The following SRPK2 variants were observed in gnomAD, a reference collection of about 807,000 sequenced individuals.
SRPK2 encodes the protein SRSF protein kinase 2.
SRPK2 carries 21 observed loss-of-function variants against 90.8 expected under a neutral mutation model. That is an observed-to-expected ratio of 0.23 (90% CI 0.16 to 0.33). The LOEUF is 0.33. Among genes scored for constraint, SRPK2 ranks in the 10% least tolerant of loss-of-function variants. SRPK2 has a pLI of 1.00. For missense variants in SRPK2, 620 were observed against 869.0 expected, an observed-to-expected ratio of 0.71 and a Z score of 3.60; for synonymous variants, 288 against 311.1, an observed-to-expected ratio of 0.93 and a Z score of 0.78.
At position 105,143,490 on chromosome 7, in the gene SRPK2, G is replaced by A. The variant is rs139641808; in HGVS notation, c.814-160C>T. ...AGATCCACTTTGTGGTAAGGCTTAC[G>A]ATAAAATCAAAGGGAAAGCAGTGCT... On this transcript the variant is annotated intron_variant, in intron 9 of 15. Transcript: ENST00000393651. 122 of 916,722 alleles carry A rather than the reference G, an allele frequency of 1.3e-4. 1 individual carries two copies. The highest frequency in any genetic ancestry group is 4.3e-4 in the Admixed American group (15 of 35,262). The allele number at this position is 916,722 out of a possible 1,614,324, so 56.8% of individuals were successfully genotyped here.
chr7:105,370,294 C>A (rs1819548641), intron 2 of SRPK2, among the ~76,000 whole-genome samples: 1 of 152,164 alleles, frequency 6.6e-6, no homozygotes, highest in Non-Finnish European at 1.5e-5. Context: ...TTCTCCCACC[C>A]TATCTACTAA....
chr7:105,347,681 C>T (rs966284352), intron 2 of SRPK2, among the ~76,000 whole-genome samples: 2 of 151,650 alleles, frequency 1.3e-5, no homozygotes, highest in African/African-American at 4.8e-5. Flanking sequence ...TGGCAAGACC[C>T]CCATCTCTGC....
At chr7:105,131,592 C>CA (rs974139046) in intron 13 of SRPK2, among the ~76,000 whole-genome samples, 1 of 152,120 alleles carries the variant, frequency 6.6e-6, no homozygotes, top group African/African-American at 2.4e-5. Context: ...CATGCTGAGT[C>CA]AAAGCTGAAA....
At chr7:105,169,311 G>T in intron 3 of SRPK2, 46 bp from the exon 4 acceptor site, 2 of 1,422,968 alleles carry the variant, frequency 1.4e-6, no homozygotes, top group Non-Finnish European at 9.9e-7. Flanking sequence ...TATTCGAAAA[G>T]TAGTAATAAA....
At chr7:105,118,078 T>C in intron 15 of SRPK2, 56 bp from the exon 16 acceptor site, 1 of 1,591,742 alleles carries the variant, frequency 6.3e-7, no homozygotes, top group East Asian at 2.2e-5. Context: ...CATTCCCCAT[T>C]GTTGGTCCAG....
At chr7:105,244,259 T>C (rs185345437) in intron 2 of SRPK2, among the ~76,000 whole-genome samples, 155 of 152,302 alleles carry the variant, frequency 1.0e-3, no homozygotes, top group Admixed American at 3.1e-3. Flanking sequence ...AAAAAGATAC[T>C]GTCCAATATT....
At chr7:105,385,089 G>C (rs924923581) in intron 2 of SRPK2, among the ~76,000 whole-genome samples, 11 of 150,116 alleles carry the variant, frequency 7.3e-5, no homozygotes, top group Admixed American at 1.3e-4. Flanking sequence ...AGCCAGGATG[G>C]TCTCGATCTC....
chr7:105,292,497 CAAAAAAA>C lies in SRPK2; in HGVS notation c.72-88719_72-88713del, dbSNP rs397889533. Among the ~76,000 whole-genome samples the C allele has an allele frequency of 6.8e-4, 51 of 74,792 alleles. 1 individual carries two copies. Among genetic ancestry groups the C allele is most frequent in the Admixed American group, 9.3e-4 (6 of 6,482 alleles). The allele number at this position is 74,792 out of a possible 152,430, so 49.1% of individuals were successfully genotyped here. The stretch of plus-strand genomic sequence containing the variant: ...AGCCTGGGCGATAGAGTAAGACTCT[CAAAAAAA>C]AAAAAAAAAAAAAAAAAAAGAGCAT... On this transcript the variant is annotated intron_variant, in intron 2 of 15. Transcript: ENST00000393651.
intron 15 of SRPK2, 135 bp from the exon 16 acceptor site, chr7:105,118,157 G>T: frequency 1.2e-6 from 1 of 800,356 alleles, no homozygotes; most frequent in Non-Finnish European, 2.0e-6. Context: ...AAGAACACCA[G>T]CTTTTCCCCA....
intron 3 of SRPK2, among the ~76,000 whole-genome samples, chr7:105,188,177 G>T (rs183093417): frequency 1.4e-4 from 21 of 152,240 alleles, no homozygotes; most frequent in Admixed American, 1.4e-3. Flanking sequence ...ATCATGAAAT[G>T]AATGAATAAA....
At chr7:105,320,983 A>G (rs2131543381) in intron 2 of SRPK2, among the ~76,000 whole-genome samples, 1 of 148,974 alleles carries the variant, frequency 6.7e-6, no homozygotes, top group Non-Finnish European at 1.5e-5. Flanking sequence ...GGCAGGTACT[A>G]CCACACTCAG....
At chr7:105,291,319 A>G (rs1037915327) in intron 2 of SRPK2, among the ~76,000 whole-genome samples, 2 of 152,200 alleles carry the variant, frequency 1.3e-5, no homozygotes, top group Admixed American at 6.5e-5. Context: ...TCACTCACCT[A>G]AAGTGCCCAA....
intron 2 of SRPK2, among the ~76,000 whole-genome samples, chr7:105,247,194 C>CT (rs1801782351): frequency 6.6e-6 from 1 of 152,144 alleles, no homozygotes; most frequent in Admixed American, 6.5e-5. Flanking sequence ...TTTTCTCCAG[C>CT]TATTAACCAT....
At chr7:105,246,871 T>C (rs139075444) in intron 2 of SRPK2, among the ~76,000 whole-genome samples, 77 of 152,318 alleles carry the variant, frequency 5.1e-4, no homozygotes, top group African/African-American at 1.5e-3. Flanking sequence ...GGATTCCACT[T>C]AAGTGACATT....
At chr7:105,174,531 A>T (rs1346229399) in intron 3 of SRPK2, among the ~76,000 whole-genome samples, 1 of 152,138 alleles carries the variant, frequency 6.6e-6, no homozygotes, top group Non-Finnish European at 1.5e-5. Context: ...AGGACTAGGG[A>T]AAGCTGAGAA....
intron 2 of SRPK2, among the ~76,000 whole-genome samples, chr7:105,349,187 A>G (rs1816850206): frequency 1.6e-5 from 2 of 123,060 alleles, no homozygotes; most frequent in Non-Finnish European, 1.7e-5. Flanking sequence ...AGGGGAGGGG[A>G]TGGAGGGGAG....
chr7:105,368,342 T>C (rs969279304), intron 2 of SRPK2, among the ~76,000 whole-genome samples: 2 of 152,182 alleles, frequency 1.3e-5, no homozygotes, highest in East Asian at 1.9e-4. Context: ...ATGTGACCTG[T>C]TAAGGGTCTC....
chr7:105,334,342 T>A (rs1333673667), intron 2 of SRPK2, among the ~76,000 whole-genome samples: 1 of 152,160 alleles, frequency 6.6e-6, no homozygotes, highest in Non-Finnish European at 1.5e-5. Flanking sequence ...CCTCCCAAAG[T>A]GCTGGGATTA....
At chr7:105,329,758 G>T (rs1484787156) in intron 2 of SRPK2, among the ~76,000 whole-genome samples, 2 of 152,044 alleles carry the variant, frequency 1.3e-5, no homozygotes, top group African/African-American at 4.8e-5. Flanking sequence ...CACCCGGCAT[G>T]GTGGCTCATG....
Sources: allele counts gnomAD v4.1 joint callset (sites outside exome capture counted in the v4.1 genomes callset), GRCh38; gene constraint gnomAD v4.1.1; transcripts MANE v1.5; gene names NCBI Gene and HGNC (gene_info 2026-07-23, HGNC 2026-07-21).